Variants in TOP6BL observed in about 807,000 individuals in gnomAD.
The protein encoded by TOP6BL is TOP6B like initiator of meiotic double strand breaks.
the TOP6BL span, among the ~76,000 whole-genome samples, chr11:66,765,576 C>T: frequency 2.0e-5 from 3 of 152,158 alleles, no homozygotes; most frequent in Admixed American, 1.3e-4. Context: ...AGTGCAGTGG[C>T]GTGATCTTGG....
the TOP6BL span, chr11:66,761,871 A>T: frequency 1.0e-6 from 1 of 983,518 alleles, no homozygotes; most frequent in African/African-American, 1.6e-5. Context: ...ATGACAGTCC[A>T]GCACAAGGGC....
At chr11:66,782,379 C>G in the TOP6BL span, among the ~76,000 whole-genome samples, 1 of 152,218 alleles carries the variant, frequency 6.6e-6, no homozygotes, top group Non-Finnish European at 1.5e-5. Flanking sequence ...GTCTCACTCT[C>G]TGCATGGATA....
At chr11:66,746,570 C>G in the TOP6BL span, among the ~76,000 whole-genome samples, 55 of 152,230 alleles carry the variant, frequency 3.6e-4, no homozygotes, top group African/African-American at 1.2e-3. Context: ...CAAAATTAGC[C>G]AGGTGTGGTG....
At chr11:66,822,513 A>T in the TOP6BL span, 1 of 1,249,202 alleles carries the variant, frequency 8.0e-7, no homozygotes, top group Non-Finnish European at 1.1e-6. Context: ...GATTCTCTAA[A>T]CCACATCTTG....
At chr11:66,833,833 A>T in the TOP6BL span, among the ~76,000 whole-genome samples, 1 of 152,058 alleles carries the variant, frequency 6.6e-6, no homozygotes. Context: ...TTGTAGTCCC[A>T]GCTACTCAGG....
At chr11:66,843,358 G>A in the TOP6BL span, 2 of 1,427,786 alleles carry the variant, frequency 1.4e-6, no homozygotes, top group South Asian at 1.4e-5. Context: ...CGTCGGGCCC[G>A]GGCGGGGCGG....
the TOP6BL span, among the ~76,000 whole-genome samples, chr11:66,797,662 A>C: frequency 1.3e-5 from 2 of 151,778 alleles, no homozygotes; most frequent in Non-Finnish European, 2.9e-5. Context: ...GCACCACCAC[A>C]CCTCGCTAAT....
At chr11:66,750,479 CAG>C in the TOP6BL span, among the ~76,000 whole-genome samples, 1 of 151,996 alleles carries the variant, frequency 6.6e-6, no homozygotes, top group East Asian at 1.9e-4. Flanking sequence ...CCTGGGAGGA[CAG>C]AGGTTGCAGT....
chr11:66,822,713 C>T, the TOP6BL span: 1 of 1,432,504 alleles, frequency 7.0e-7, no homozygotes. Flanking sequence ...TTAAAAGTGC[C>T]AGGGTTTTGG....
At chr11:66,791,993 AT>A in the TOP6BL span, among the ~76,000 whole-genome samples, 2 of 151,854 alleles carry the variant, frequency 1.3e-5, no homozygotes, top group South Asian at 4.2e-4. Flanking sequence ...AATTTTTTAT[AT>A]TTTTAGTAGA....
chr11:66,843,411 C>T, the TOP6BL span: 23 of 1,402,030 alleles, frequency 1.6e-5, no homozygotes, highest in East Asian at 2.8e-5. Flanking sequence ...TCACCCACAC[C>T]TCCCTGGGAC....
chr11:66,751,869 T>C, the TOP6BL span, among the ~76,000 whole-genome samples: 2 of 152,184 alleles, frequency 1.3e-5, no homozygotes, highest in South Asian at 2.1e-4. Context: ...TTAATACTTA[T>C]TTTATTTTCT....
chr11:66,753,729 G>A, the TOP6BL span, among the ~76,000 whole-genome samples: 1 of 149,782 alleles, frequency 6.7e-6, no homozygotes. Flanking sequence ...TTTTAAGACA[G>A]AGTCTCATTC....
the TOP6BL span, chr11:66,762,283 C>T: frequency 2.1e-6 from 1 of 466,584 alleles, no homozygotes; most frequent in South Asian, 2.2e-5. Context: ...GAAGGGCGGG[C>T]GCACAGCCGG....
the TOP6BL span, among the ~76,000 whole-genome samples, chr11:66,764,087 A>C: frequency 1.3e-5 from 2 of 152,158 alleles, no homozygotes; most frequent in African/African-American, 2.4e-5. Context: ...CCCCTAGTGA[A>C]GATACCTTAA....
the TOP6BL span, chr11:66,761,579 T>G: frequency 8.6e-7 from 1 of 1,160,364 alleles, no homozygotes; most frequent in Non-Finnish European, 1.2e-6. Flanking sequence ...TCTGCTCTAC[T>G]GGCTCTTGAC....
At chr11:66,815,480 G>A in the TOP6BL span, among the ~76,000 whole-genome samples, 1 of 152,126 alleles carries the variant, frequency 6.6e-6, no homozygotes, top group African/African-American at 2.4e-5. Flanking sequence ...ATATAGTATT[G>A]GGGCTAAGAG....
chr11:66,817,255 G>A, the TOP6BL span, among the ~76,000 whole-genome samples: 10 of 152,136 alleles, frequency 6.6e-5, no homozygotes, highest in African/African-American at 1.9e-4. Context: ...TTTCCAGGTG[G>A]ATTTAAAAAA....
the TOP6BL span, among the ~76,000 whole-genome samples, chr11:66,808,780 CAA>C: frequency 6.6e-5 from 10 of 151,948 alleles, no homozygotes; most frequent in Admixed American, 3.9e-4. Context: ...AAAAATAAAA[CAA>C]AGAGACAAGT....
Sources: gnomAD v4.1 joint callset for allele counts (sites outside exome capture counted in the v4.1 genomes callset) on GRCh38, gnomAD v4.1.1 for gene constraint, MANE v1.5 for transcripts, NCBI Gene and HGNC (gene_info 2026-07-23, HGNC 2026-07-21) for gene names.